RTTN: variants seen among roughly 807,000 people sequenced by gnomAD.
RTTN encodes rotatin.
In RTTN, 182 loss-of-function variants were observed where a neutral mutation model predicts 269.2. The ratio of observed to expected loss-of-function variants is 0.68; its 90% CI spans 0.60 to 0.76. The LOEUF (loss-of-function observed/expected upper bound fraction) is 0.76. Ranked by LOEUF, RTTN falls within the 30% of genes least tolerant of loss-of-function variation. The pLI, the probability that RTTN is intolerant of heterozygous loss-of-function variation, is 0.00. For missense variants in RTTN, 2,545 were observed against 2,608.6 expected, an observed-to-expected ratio of 0.98 and a Z score of 0.53; for synonymous variants, 1,006 against 963.5, an observed-to-expected ratio of 1.04 and a Z score of -0.82.
chr18:70,127,973 T>C (rs2059908680), intron 24 of RTTN: 2 of 510,648 alleles, frequency 3.9e-6, no homozygotes, highest in South Asian at 4.9e-5. Flanking sequence ...TTTTATTCAC[T>C]TAAGACAGAC....
intron 28 of RTTN, among the ~76,000 whole-genome samples, chr18:70,097,619 G>C (rs17232863): frequency 0.1 from 15,391 of 152,224 alleles, 961 homozygotes; most frequent in Middle Eastern, 0.32. Context: ...ACCAAAGCAA[G>C]ATTGGCTAAT....
intron 21 of RTTN, 147 bp from the exon 22 acceptor site, chr18:70,135,427 C>G: frequency 1.8e-6 from 1 of 540,728 alleles, no homozygotes. Context: ...TCATCTCAAA[C>G]TTGTGGATGT....
chr18:70,172,741 A>G (rs2061174526), intron 11 of RTTN, among the ~76,000 whole-genome samples: 1 of 152,176 alleles, frequency 6.6e-6, no homozygotes, highest in Admixed American at 6.5e-5. Context: ...GGCACTAAGT[A>G]AAATAAATTA....
chr18:70,101,078 A>G (rs2059151366), intron 28 of RTTN, among the ~76,000 whole-genome samples: 2 of 152,180 alleles, frequency 1.3e-5, no homozygotes, highest in Admixed American at 6.5e-5. Flanking sequence ...TATCAGGATG[A>G]TGCTGGCCTC....
intron 25 of RTTN, among the ~76,000 whole-genome samples, chr18:70,126,242 AT>A (rs1369995467): frequency 6.6e-6 from 1 of 152,118 alleles, no homozygotes. Context: ...TATGGTTTTA[AT>A]TCACAAGAGA....
intron 9 of RTTN, among the ~76,000 whole-genome samples, chr18:70,188,570 T>C (rs951788659): frequency 6.6e-6 from 1 of 152,212 alleles, no homozygotes; most frequent in Non-Finnish European, 1.5e-5. Context: ...CCAGAAAGGT[T>C]TAGAAAACGT....
At chr18:70,203,359 T>C (rs1261208389) in intron 3 of RTTN, among the ~76,000 whole-genome samples, 1 of 152,150 alleles carries the variant, frequency 6.6e-6, no homozygotes, top group African/African-American at 2.4e-5. Flanking sequence ...CCCGCCACTA[T>C]GTCCGGCTAA....
intron 14 of RTTN, among the ~76,000 whole-genome samples, chr18:70,157,228 C>T (rs2060705454): frequency 1.3e-5 from 2 of 152,138 alleles, no homozygotes; most frequent in African/African-American, 4.8e-5. Flanking sequence ...AAAGTTGTTG[C>T]CAGCAGTCTG....
At chr18:70,044,656 C>T (rs1009099195) in intron 40 of RTTN, among the ~76,000 whole-genome samples, 2 of 152,072 alleles carry the variant, frequency 1.3e-5, no homozygotes, top group African/African-American at 4.8e-5. Context: ...TGATTGTGGC[C>T]TCTCTGTCTC....
chr18:70,070,484 G>A (rs755594365), intron 34 of RTTN, among the ~76,000 whole-genome samples: 2 of 152,118 alleles, frequency 1.3e-5, no homozygotes, highest in Non-Finnish European at 2.9e-5. Context: ...ATCCATCCCT[G>A]CTTAAACTAT....
chr18:70,087,951 G>T (rs1433102912), intron 31 of RTTN, 38 bp downstream of exon 31: 4 of 1,601,526 alleles, frequency 2.5e-6, no homozygotes, highest in Admixed American at 3.4e-5. Context: ...CCATCACAAA[G>T]AATTTCTAAG....
chr18:70,034,293 A>C (rs1157435176), intron 40 of RTTN, among the ~76,000 whole-genome samples: 1 of 152,210 alleles, frequency 6.6e-6, no homozygotes, highest in Non-Finnish European at 1.5e-5. Flanking sequence ...AGCAATGCAA[A>C]AACCCTCAAC....
At chr18:70,045,717 T>C (rs1296913166) in intron 40 of RTTN, among the ~76,000 whole-genome samples, 1 of 152,238 alleles carries the variant, frequency 6.6e-6, no homozygotes, top group Non-Finnish European at 1.5e-5. Context: ...TTTCTTTGTC[T>C]TAAACTTGCC....
chr18:70,175,633 C>A (rs2061271183), intron 11 of RTTN, among the ~76,000 whole-genome samples: 4 of 143,760 alleles, frequency 2.8e-5, no homozygotes, highest in Non-Finnish European at 3.0e-5. Context: ...TGCATGGGAC[C>A]AAAAAAAAAA....
chr18:70,092,853 A>T lies in RTTN; in HGVS notation c.3904-49T>A, dbSNP rs116195581. 9.2e-4 allele frequency: 1,399 copies of T among 1,522,176 alleles called. 12 individuals carry two copies. The African/African-American group carries it at 0.017, about 19-fold the overall frequency. The allele number at this position is 1,522,176 out of a possible 1,614,324, so 94.3% of individuals were successfully genotyped here. A position where few individuals can be genotyped will look rare whatever the true frequency, so the allele number is the denominator to read the frequency against. On this transcript the variant is annotated intron_variant, in intron 28 of 48. Coordinates refer to ENST00000640769, the MANE Select transcript of RTTN (RefSeq NM_173630.4). ...TCATGGTGGCTTTATTCTCAATGGTATATAAAGATAAATATATAACTGTCT... is the reference window on the plus strand; with the variant it reads ...TCATGGTGGCTTTATTCTCAATGGTTTATAAAGATAAATATATAACTGTCT...
intron 11 of RTTN, among the ~76,000 whole-genome samples, chr18:70,175,722 C>G (rs1368550378): frequency 6.6e-6 from 1 of 151,590 alleles, no homozygotes; most frequent in Non-Finnish European, 1.5e-5. Flanking sequence ...ATAGGACAGT[C>G]CTCAGAAACC....
At chr18:70,167,636 G>A (rs2061025345) in intron 12 of RTTN, among the ~76,000 whole-genome samples, 1 of 151,758 alleles carries the variant, frequency 6.6e-6, no homozygotes, top group South Asian at 2.1e-4. Context: ...GGCGGGAGGT[G>A]GAGCTTGCAG....
At chr18:70,143,385 T>C (rs1219716939) in intron 18 of RTTN, among the ~76,000 whole-genome samples, 1 of 152,134 alleles carries the variant, frequency 6.6e-6, no homozygotes, top group Non-Finnish European at 1.5e-5. Flanking sequence ...GAAAATGTGG[T>C]ACATATACAC....
chr18:70,112,980 G>A (rs894879245), intron 27 of RTTN, among the ~76,000 whole-genome samples: 4 of 152,180 alleles, frequency 2.6e-5, no homozygotes, highest in African/African-American at 9.7e-5. Context: ...TCAAACCACA[G>A]TGCAATCAAA....
Sources: gnomAD v4.1 joint callset for allele counts (sites outside exome capture counted in the v4.1 genomes callset) on GRCh38, gnomAD v4.1.1 for gene constraint, MANE v1.5 for transcripts, NCBI Gene and HGNC (gene_info 2026-07-23, HGNC 2026-07-21) for gene names.